Variants in ASH1L observed in about 807,000 individuals in gnomAD.
ASH1L encodes histone-lysine N-methyltransferase ASH1L.
A neutral mutation model predicts 269.0 loss-of-function variants in ASH1L; 23 were observed. The ratio of observed to expected loss-of-function variants is 0.09; its 90% CI spans 0.06 to 0.12. ASH1L has a LOEUF of 0.12. Among genes scored for constraint, ASH1L ranks in the 10% least tolerant of loss-of-function variants. ASH1L has a pLI of 1.00. For missense variants in ASH1L, 2,912 were observed against 3,567.8 expected (o/e 0.82, Z 4.68); for synonymous variants, 1,187 against 1,253.5 (o/e 0.95, Z 1.12).
chr1:155,492,686 A>C (rs772316884), intron 2 of ASH1L, among the ~76,000 whole-genome samples: 7 of 151,758 alleles, frequency 4.6e-5, no homozygotes, highest in Non-Finnish European at 7.4e-5. Flanking sequence ...TTATTGTGCC[A>C]CTAATATATG....
chr1:155,507,652 G>A (rs987327407), intron 2 of ASH1L, among the ~76,000 whole-genome samples: 2 of 152,134 alleles, frequency 1.3e-5, no homozygotes, highest in South Asian at 4.1e-4. Context: ...CAGGAGGATC[G>A]ATTCAGCACA....
intron 6 of ASH1L, among the ~76,000 whole-genome samples, chr1:155,409,285 G>A (rs1053773370): frequency 3.3e-5 from 5 of 151,930 alleles, no homozygotes; most frequent in East Asian, 1.9e-4. Flanking sequence ...TACAGTTCTC[G>A]GATTACAGGG....
chr1:155,383,370 A>C (rs1453488530), intron 7 of ASH1L, among the ~76,000 whole-genome samples: 1 of 152,180 alleles, frequency 6.6e-6, no homozygotes, highest in Non-Finnish European at 1.5e-5. Flanking sequence ...ACAATCCTGT[A>C]AGCTCCATTC....
At chr1:155,373,952 G>A (rs951609330) in intron 10 of ASH1L, among the ~76,000 whole-genome samples, 8 of 152,196 alleles carry the variant, frequency 5.3e-5, no homozygotes, top group African/African-American at 1.4e-4. Context: ...ACAGGCGTAA[G>A]CCAACATGCC....
At chr1:155,467,464 GCTAA>G (rs1664778191) in intron 3 of ASH1L, among the ~76,000 whole-genome samples, 2 of 152,118 alleles carry the variant, frequency 1.3e-5, no homozygotes, top group Admixed American at 1.3e-4. Context: ...AGAAAAATAA[GCTAA>G]CTACCATATG....
chr1:155,369,466 T>C (rs1655736387), intron 12 of ASH1L, among the ~76,000 whole-genome samples: 1 of 152,020 alleles, frequency 6.6e-6, no homozygotes, highest in Admixed American at 6.6e-5. Flanking sequence ...AAAAAGTCTA[T>C]GTATTTCTCT....
chr1:155,494,032 T>A (rs145189772), intron 2 of ASH1L, among the ~76,000 whole-genome samples: 2 of 152,038 alleles, frequency 1.3e-5, no homozygotes, highest in Non-Finnish European at 2.9e-5. Flanking sequence ...AGTAAAATAT[T>A]TGGTATATCA....
At chr1:155,423,476 G>A (rs960085539) in intron 5 of ASH1L, among the ~76,000 whole-genome samples, 33 of 152,004 alleles carry the variant, frequency 2.2e-4, no homozygotes, top group Admixed American at 5.9e-4. Context: ...GGCTGACGTC[G>A]GGGAATTGCT....
At position 155,480,760 on chromosome 1, in the gene ASH1L, A is replaced by G. The variant is rs1665894735; in HGVS notation, c.2110T>C (p.Leu704=). ...CQVAESLSTS[L]QSKPLKKRKG... ...CTTTTTTTTAATGGTTTGGACTGCA[A>G]ACTAGTACTTAGGCTTTCAGCAACT... The change falls in exon 3 of 28, where the codon TTG becomes CTG. Residue 704 remains leucine, a synonymous_variant. Coordinates refer to ENST00000392403, the MANE Select transcript of ASH1L (RefSeq NM_018489.3). 2 of 1,613,828 alleles carry G rather than the reference A, an allele frequency of 1.2e-6. No individual in the cohort carries two copies. The highest frequency in any genetic ancestry group is 1.6e-4 in the Middle Eastern group (1 of 6,062).
intron 1 of ASH1L, among the ~76,000 whole-genome samples, chr1:155,532,154 A>C (rs970190086): frequency 9.2e-5 from 14 of 152,200 alleles, no homozygotes; most frequent in African/African-American, 3.1e-4. Flanking sequence ...CTCACATGCA[A>C]TTTTGGGATT....
At chr1:155,543,839 T>G (rs1212915626) in intron 1 of ASH1L, among the ~76,000 whole-genome samples, 1 of 151,632 alleles carries the variant, frequency 6.6e-6, no homozygotes, top group Non-Finnish European at 1.5e-5. Context: ...GGGGCTGAGG[T>G]AGAAGAATCA....
At chr1:155,535,382 T>C (rs537243670) in intron 1 of ASH1L, among the ~76,000 whole-genome samples, 40 of 152,252 alleles carry the variant, frequency 2.6e-4, no homozygotes, top group African/African-American at 9.1e-4. Context: ...CAAGCCACCA[T>C]GCCTGCTCAT....
At chr1:155,420,007 A>C (rs1246445425) in intron 5 of ASH1L, among the ~76,000 whole-genome samples, 1 of 152,202 alleles carries the variant, frequency 6.6e-6, no homozygotes, top group African/African-American at 2.4e-5. Flanking sequence ...AATCAAAATT[A>C]AACAATGCTA....
At chr1:155,505,287 C>A (rs563718807) in intron 2 of ASH1L, among the ~76,000 whole-genome samples, 2 of 152,300 alleles carry the variant, frequency 1.3e-5, no homozygotes, top group East Asian at 3.9e-4. Flanking sequence ...AAGTTGTCAA[C>A]ACCTAATTTT....
At chr1:155,382,592 CCAT>C (rs1402969904) in intron 7 of ASH1L, among the ~76,000 whole-genome samples, 2 of 152,194 alleles carry the variant, frequency 1.3e-5, no homozygotes, top group Admixed American at 1.3e-4. Context: ...GACATTATTA[CCAT>C]ATCAGATGAC....
chr1:155,476,796 G>A (rs935627700), intron 3 of ASH1L, among the ~76,000 whole-genome samples: 22 of 151,708 alleles, frequency 1.5e-4, no homozygotes, highest in African/African-American at 3.4e-4. Flanking sequence ...CTCATGATCC[G>A]CCCACCTCGG....
intron 1 of ASH1L, among the ~76,000 whole-genome samples, chr1:155,533,950 A>AG (rs1325800880): frequency 2.6e-5 from 4 of 152,076 alleles, no homozygotes; most frequent in South Asian, 2.1e-4. Flanking sequence ...ATGTTTTGAG[A>AG]ATTGTGACAC....
intron 7 of ASH1L, among the ~76,000 whole-genome samples, chr1:155,385,315 T>C (rs1039911532): frequency 6.6e-6 from 1 of 152,074 alleles, no homozygotes; most frequent in Non-Finnish European, 1.5e-5. Flanking sequence ...TGGTGGCACA[T>C]GCCTGTAACT....
chr1:155,423,019 C>T (rs1026051000), intron 5 of ASH1L, among the ~76,000 whole-genome samples: 3 of 150,476 alleles, frequency 2.0e-5, no homozygotes, highest in Non-Finnish European at 4.4e-5. Flanking sequence ...GCGATCTCGG[C>T]TCTCTGTAAG....
Sources: allele counts gnomAD v4.1 joint callset (sites outside exome capture counted in the v4.1 genomes callset), GRCh38; gene constraint gnomAD v4.1.1; transcripts MANE v1.5; gene names NCBI Gene and HGNC (gene_info 2026-07-23, HGNC 2026-07-21).